Variants in SPTBN1 observed in about 807,000 individuals in gnomAD.
The protein encoded by SPTBN1 is spectrin beta chain, non-erythrocytic 1.
Under a neutral mutation model 266.4 loss-of-function variants are expected in SPTBN1, and 32 were observed. The observed-to-expected ratio is 0.12, with a 90% CI of 0.09 to 0.16. SPTBN1 has a LOEUF of 0.16. Among genes scored for constraint, SPTBN1 ranks in the 10% least tolerant of loss-of-function variants. The pLI is 1.00. For synonymous variants in SPTBN1, 1,336 were observed against 1,162.2 expected, an observed-to-expected ratio of 1.15 and a Z score of -3.04; for missense variants, 2,296 against 3,067.1, an observed-to-expected ratio of 0.75 and a Z score of 5.94.
At chr2:54,544,377 C>G (rs1034298243) in intron 2 of SPTBN1, among the ~76,000 whole-genome samples, 2 of 152,150 alleles carry the variant, frequency 1.3e-5, no homozygotes, top group African/African-American at 4.8e-5. Flanking sequence ...TACAATTACT[C>G]CATATTAGCA....
rs1558465879 is a variant in SPTBN1, at chr2:54,646,645, T to G, written c.4866+170T>G. Among the ~76,000 whole-genome samples, 1 of 152,230 alleles carries G rather than the reference T, an allele frequency of 6.6e-6. No homozygotes were observed. Among genetic ancestry groups the G allele is most frequent in the Non-Finnish European group, 1.5e-5 (1 of 68,034 alleles). On this transcript the variant is annotated intron_variant, in intron 23 of 35. Coordinates refer to ENST00000356805, the MANE Select transcript of SPTBN1 (RefSeq NM_003128.3). The surrounding 1 kb of genome is among the most constrained non-coding windows in gnomAD (Gnocchi z 4.4). ...TGAAATCCAGCTGCTGGTTTCCCTT[T>G]GGTGCAGCATTTTCTTATCTGAATC...
chr2:54,644,286 CTTGT>C, intron 19 of SPTBN1, 33 bp from the exon 20 acceptor site: 1 of 1,581,154 alleles, frequency 6.3e-7, no homozygotes, highest in Non-Finnish European at 8.6e-7. Context: ...CTGTAGCAAA[CTTGT>C]TTATTTACAA....
At chr2:54,507,582 C>G (rs1374493731) in intron 1 of SPTBN1, among the ~76,000 whole-genome samples, 3 of 152,050 alleles carry the variant, frequency 2.0e-5, no homozygotes, top group African/African-American at 7.3e-5. Flanking sequence ...ATGGAAGACA[C>G]AAGGTCTGAA....
chr2:54,661,989 C>G (rs1344858663), intron 32 of SPTBN1: 1 of 985,304 alleles, frequency 1.0e-6, no homozygotes, highest in Admixed American at 6.1e-5. Context: ...AGTGATGACG[C>G]AGAGACTCAG....
chr2:54,495,327 A>T (rs966817306), intron 1 of SPTBN1, among the ~76,000 whole-genome samples: 1 of 152,194 alleles, frequency 6.6e-6, no homozygotes, highest in Non-Finnish European at 1.5e-5. Flanking sequence ...CAGGAATCCC[A>T]GGTTCAGAGC....
Position 54,629,097 on chromosome 2 carries a change from C to T in SPTBN1, c.1963C>T (p.Arg655Trp), listed in dbSNP as rs770119750. ...GATGGCAGAAGAGGAAGGCTGGATA[C>T]GGGAGAAGGAGAAGATCCTGTCCTC... ...WEMAEEEGWI[R>W]EKEKILSSDD... The change falls in exon 14 of 36, where the codon CGG becomes TGG. Residue 655 changes from arginine (R) to tryptophan (W), a missense_variant. Arg to Trp is a moderately radical substitution (Grantham distance 101, BLOSUM62 -3). Around this residue, in one of 12 missense-constraint regions of SPTBN1, gnomAD observed 434 missense variants for 573.9 expected, o/e 0.76. Coordinates refer to ENST00000356805, the MANE Select transcript of SPTBN1 (RefSeq NM_003128.3). 6 of 1,613,528 alleles carry T rather than the reference C, an allele frequency of 3.7e-6. No individual in the cohort carries two copies. Among genetic ancestry groups the T allele is most frequent in the East Asian group, 2.2e-5 (1 of 44,892 alleles).
chr2:54,595,921 C>T (rs371679167), intron 2 of SPTBN1, among the ~76,000 whole-genome samples: 4 of 152,228 alleles, frequency 2.6e-5, no homozygotes, highest in East Asian at 3.9e-4. Context: ...CTAAATGTGC[C>T]GAGGAATCAA....
Position 54,465,666 on chromosome 2 carries a change from A to ATATATATATATC in SPTBN1, c.-48+9151_-48+9152insATATATATCTAT, listed in dbSNP as rs1408352073. Reference sequence around the variant, plus strand: ...TATATATATATATATATATATATATATATCTCACACATGGGAGAGAGAGGT... The same window carrying ATATATATATATC: ...TATATATATATATATATATATATATATATATATATATCTATCTCACACATGGGAGAGAGAGGT... On this transcript the variant is annotated intron_variant, in intron 1 of 35. Coordinates refer to ENST00000356805, the MANE Select transcript of SPTBN1 (RefSeq NM_003128.3). Among the ~76,000 whole-genome samples the ATATATATATATC allele has an allele frequency of 5.2e-4, 71 of 137,812 alleles. No individual in the cohort carries two copies. The East Asian group carries it at 9.9e-3, about 19-fold the overall frequency. The allele number at this position is 137,812 out of a possible 152,430, so 90.4% of individuals were successfully genotyped here.
At chr2:54,487,586 C>T (rs1416020930) in intron 1 of SPTBN1, among the ~76,000 whole-genome samples, 10 of 152,238 alleles carry the variant, frequency 6.6e-5, no homozygotes, top group Non-Finnish European at 5.9e-5. Context: ...TTTTCCTTCA[C>T]AATATTATCT....
chr2:54,618,040 C>A, intron 6 of SPTBN1, 38 bp from the exon 7 acceptor site: 1 of 1,508,730 alleles, frequency 6.6e-7, no homozygotes, highest in Non-Finnish European at 9.1e-7. Context: ...TCTTTTCAAG[C>A]CATGATTTTT....
intron 18 of SPTBN1, among the ~76,000 whole-genome samples, chr2:54,638,361 T>C (rs1029083172): frequency 6.6e-6 from 1 of 152,260 alleles, no homozygotes; most frequent in Admixed American, 6.5e-5. Flanking sequence ...TGAAACTGGC[T>C]ACCAAGTAAG....
chr2:54,613,023 C>G lies in SPTBN1; in HGVS notation c.474+689C>G, dbSNP rs936245389. Among the ~76,000 whole-genome samples the G allele has an allele frequency of 3.9e-5, 6 of 152,310 alleles. No homozygotes were observed. The South Asian group carries it at 1.0e-3, about 26-fold the overall frequency. On this transcript the variant is annotated intron_variant, in intron 4 of 35. Transcript: ENST00000356805. ...ATCGGGGACCCACAGAAATTTGAAA[C>G]CTTGCCTCTGATGACACAGCCAGCC...
chr2:54,616,702 G>A (rs1022778534), intron 5 of SPTBN1, among the ~76,000 whole-genome samples: 1 of 152,144 alleles, frequency 6.6e-6, no homozygotes, highest in Non-Finnish European at 1.5e-5. Context: ...TATTATCTGT[G>A]TCAGTTTCCC....
chr2:54,590,140 T>C (rs1675569415), intron 2 of SPTBN1, among the ~76,000 whole-genome samples: 1 of 152,230 alleles, frequency 6.6e-6, no homozygotes, highest in African/African-American at 2.4e-5. Context: ...AAAACAGAAT[T>C]TGTCAAACAT....
chr2:54,653,748 G>A lies in SPTBN1; in HGVS notation c.5717G>A (p.Arg1906Gln), dbSNP rs373326337. 19 of 1,614,224 alleles carry A rather than the reference G, an allele frequency of 1.2e-5. No homozygotes were observed. The highest frequency in any genetic ancestry group is 2.2e-5 in the South Asian group (2 of 91,088). Residue 1906 changes from arginine to glutamine, a missense_variant, in exon 27 of 36, where the codon CGG (arginine) becomes CAG (glutamine). By Grantham distance (43) the Arg-to-Gln change is conservative (BLOSUM62 1). Coordinates refer to ENST00000356805, the MANE Select transcript of SPTBN1 (RefSeq NM_003128.3). This position sits in a 1 kb window ranked among gnomAD's most constrained non-coding sequence, Gnocchi z 5.1. ...GACGCCTGTGAGAGCCGCAGGGTGC[G>A]GCTGGTGGACACAGGGGACAAGTTC... ...LLDACESRRV[R>Q]LVDTGDKFRF... is the part of the protein sequence containing the mutation.
chr2:54,662,255 G>T (rs144522979), intron 32 of SPTBN1: 8 of 985,380 alleles, frequency 8.1e-6, no homozygotes, highest in Non-Finnish European at 8.4e-6. Flanking sequence ...GTGGTGTGCT[G>T]TCTGTTGGCA....
chr2:54,624,701 C>G, intron 10 of SPTBN1, 103 bp from the exon 11 acceptor site: 2 of 1,505,322 alleles, frequency 1.3e-6, no homozygotes, highest in Non-Finnish European at 1.8e-6. Context: ...TTCAAGCTGT[C>G]AGGTCCTTTT....
At chr2:54,466,822 T>A (rs933919386) in intron 1 of SPTBN1, among the ~76,000 whole-genome samples, 2 of 152,200 alleles carry the variant, frequency 1.3e-5, no homozygotes, top group Non-Finnish European at 2.9e-5. Flanking sequence ...ACCAGCTAAA[T>A]ATACTTTCTG....
intron 2 of SPTBN1, among the ~76,000 whole-genome samples, chr2:54,576,205 C>T (rs1431133459): frequency 6.6e-6 from 1 of 151,832 alleles, no homozygotes; most frequent in African/African-American, 2.4e-5. Context: ...CGGGTGCCTG[C>T]CACCACTCCC....
Sources: gnomAD v4.1 joint callset for allele counts (sites outside exome capture counted in the v4.1 genomes callset) on GRCh38, gnomAD v4.1.1 for gene constraint, gnomAD v4.1.1 regional missense constraint, Gnocchi (gnomAD v3.1) non-coding constraint, MANE v1.5 for transcripts, NCBI Gene and HGNC (gene_info 2026-07-23, HGNC 2026-07-21) for gene names.